The following HIRA variants were observed in gnomAD, a reference collection of about 807,000 sequenced individuals.
HIRA encodes histone cell cycle regulator, also known as protein HIRA.
HIRA carries 13 observed loss-of-function variants against 126.6 expected under a neutral mutation model. That is an observed-to-expected ratio of 0.10 (90% confidence interval 0.07 to 0.16). The LOEUF (loss-of-function observed/expected upper bound fraction) is 0.16. Ranked by LOEUF, HIRA falls within the 10% of genes least tolerant of loss-of-function variation. The pLI is 1.00. For synonymous variants in HIRA, 511 were observed against 520.0 expected (o/e 0.98, Z 0.24); for missense variants, 834 against 1,314.4 (o/e 0.63, Z 5.65).
At position 19,351,278 on chromosome 22, in the gene HIRA, G is replaced by T. The variant is rs1556010786; in HGVS notation, c.2937+80C>A. The T allele has an allele frequency of 1.3e-6, 2 of 1,544,096 alleles. No homozygotes were observed. Among genetic ancestry groups the T allele is most frequent in the Admixed American group, 4.2e-5 (2 of 47,446 alleles). On this transcript the variant is annotated intron_variant, in intron 24 of 24. Transcript: ENST00000263208. This position sits in a 1 kb window ranked among gnomAD's most constrained non-coding sequence, Gnocchi z 4.8. ...AAGTCTAACGGGACACAATTTCAAA[G>T]CACTTTGGCTTATTTAAAAAATCTC...
chr22:19,375,220 C>T (rs2089006599), intron 15 of HIRA, among the ~76,000 whole-genome samples: 1 of 152,176 alleles, frequency 6.6e-6, no homozygotes, highest in Non-Finnish European at 1.5e-5. Flanking sequence ...CAGCTCTCTA[C>T]CTCTGGTCAG....
intron 24 of HIRA, among the ~76,000 whole-genome samples, chr22:19,346,932 G>A (rs1219163599): frequency 6.6e-6 from 1 of 152,178 alleles, no homozygotes; most frequent in Non-Finnish European, 1.5e-5. Flanking sequence ...AGGAAGGAGG[G>A]GAGAAGAAGA....
intron 8 of HIRA, among the ~76,000 whole-genome samples, chr22:19,392,416 C>T (rs140265776): frequency 1.3e-5 from 2 of 152,308 alleles, no homozygotes; most frequent in South Asian, 2.1e-4. Context: ...AAAGTATGTG[C>T]GGAGGCACCA....
chr22:19,357,124 G>A, intron 18 of HIRA, 73 bp from the exon 19 acceptor site: 3 of 1,552,432 alleles, frequency 1.9e-6, no homozygotes, highest in South Asian at 2.3e-5. Context: ...CTGGAAGTGT[G>A]GGCCTTCCCT....
At chr22:19,431,397 C>T in intron 1 of HIRA, 43 bp downstream of exon 1, 1 of 1,601,400 alleles carries the variant, frequency 6.2e-7, no homozygotes, top group Middle Eastern at 1.7e-4. Flanking sequence ...AGACCCCGAC[C>T]CGACTCCGGG....
At chr22:19,360,029 TA>T (rs1388846246) in intron 17 of HIRA, among the ~76,000 whole-genome samples, 4 of 152,172 alleles carry the variant, frequency 2.6e-5, no homozygotes, top group African/African-American at 9.7e-5. Context: ...CAGGGGTGTT[TA>T]TGGCACAGCA....
chr22:19,426,476 TCAAGGTTCAGTC>T (rs538077320), intron 1 of HIRA, among the ~76,000 whole-genome samples: 2 of 152,330 alleles, frequency 1.3e-5, no homozygotes, highest in South Asian at 4.1e-4. Context: ...TCTAGTCACG[TCAAGGTTCAGTC>T]CAAGGACACA....
chr22:19,336,045 T>A (rs2088564404), intron 24 of HIRA, among the ~76,000 whole-genome samples: 1 of 152,214 alleles, frequency 6.6e-6, no homozygotes, highest in Non-Finnish European at 1.5e-5. Flanking sequence ...TTAGATTTAT[T>A]CTTAGATACT....
Position 19,377,921 on chromosome 22 carries a change from G to A in HIRA, c.1561C>T (p.Pro521Ser), listed in dbSNP as rs768876608. 5.0e-6 allele frequency: 8 copies of A among 1,613,680 alleles called. No individual in the cohort carries two copies. Among genetic ancestry groups the A allele is most frequent in the Non-Finnish European group, 5.1e-6 (6 of 1,179,874 alleles). ...GGTCTGGCACTGGCAGCCACCACAG[G>A]CTCTGTGCAAGGCTTCGAGGCGCCG... ...SFGASKPCTE[P>S]VVAASARPAG... The change falls in exon 14 of 25, where the codon CCT (proline) becomes TCT (serine). Residue 521 changes from proline (P) to serine (S), a missense_variant. Coordinates refer to ENST00000263208, the MANE Select transcript of HIRA (RefSeq NM_003325.4).
chr22:19,372,593 A>G (rs1478277006), intron 15 of HIRA, among the ~76,000 whole-genome samples: 5 of 127,290 alleles, frequency 3.9e-5, no homozygotes, highest in African/African-American at 1.2e-4. Flanking sequence ...TTTTTTTGAG[A>G]TGGAGTTTTG....
At chr22:19,422,334 T>A (rs2089455429) in intron 1 of HIRA, among the ~76,000 whole-genome samples, 1 of 151,912 alleles carries the variant, frequency 6.6e-6, no homozygotes, top group Admixed American at 6.6e-5. Context: ...GCCATCACCA[T>A]CCTGATCCAG....
Position 19,385,624 on chromosome 22 carries a change from T to C in HIRA, c.1226A>G (p.Gln409Arg), listed in dbSNP as rs2089119818. 2 of 1,614,104 alleles carry C rather than the reference T, an allele frequency of 1.2e-6. No individual in the cohort carries two copies. The highest frequency in any genetic ancestry group is 1.1e-5 in the South Asian group (1 of 91,094). ...ACTCTTCTGGTCCAGCTGCTGCTGC[T>C]GCTGCCTTCGCTGGTACTTGAGCAT... Reference protein sequence around the residue: ...PEMLKYQRRQQQQQLDQKSAA... With the variant: ...PEMLKYQRRQRQQQLDQKSAA... The change falls in exon 12 of 25, where the codon CAG (glutamine) becomes CGG (arginine). Residue 409 changes from glutamine (Q) to arginine (R), a missense_variant. Gln to Arg is a conservative substitution (Grantham distance 43). Coordinates refer to ENST00000263208, the MANE Select transcript of HIRA (RefSeq NM_003325.4).
At chr22:19,349,838 T>C (rs1267700404) in intron 24 of HIRA, among the ~76,000 whole-genome samples, 1 of 152,194 alleles carries the variant, frequency 6.6e-6, no homozygotes, top group Non-Finnish European at 1.5e-5. Flanking sequence ...TACCATCCCG[T>C]TGGGCTGTTC....
Position 19,331,428 on chromosome 22 carries a change from G to A in HIRA, c.*12C>T. On this transcript the variant is annotated 3_prime_UTR_variant, in exon 25 of 25. Transcript: ENST00000263208. Reference sequence around the variant, plus strand: ...CCCTGCCCTTGCTGCAGCCAGGGCAGGCTGGGGCAGGCTACTTGTCCCTCA... The same window carrying A: ...CCCTGCCCTTGCTGCAGCCAGGGCAAGCTGGGGCAGGCTACTTGTCCCTCA... 1 of 1,613,900 alleles carries A rather than the reference G, an allele frequency of 6.2e-7. No homozygotes were observed. Among genetic ancestry groups the A allele is most frequent in the South Asian group, 1.1e-5 (1 of 91,082 alleles).
chr22:19,377,770 G>T, intron 14 of HIRA, 99 bp downstream of exon 14: 1 of 1,059,854 alleles, frequency 9.4e-7, no homozygotes, highest in Non-Finnish European at 1.3e-6. Context: ...TGATTGAAGG[G>T]GCCACAAAGT....
intron 9 of HIRA, 94 bp downstream of exon 9, chr22:19,392,007 T>G: frequency 1.5e-6 from 1 of 660,398 alleles, no homozygotes; most frequent in South Asian, 2.0e-5. Flanking sequence ...AATACACTCT[T>G]AGCATCACCC....
At position 19,377,860 on chromosome 22, in the gene HIRA, C is replaced by A; in HGVS notation, c.1613+9G>T. The A allele has an allele frequency of 6.3e-7, 1 of 1,595,056 alleles. No homozygotes were observed. ...CCAGGGACAGGAACAAGCCTTGGCA[C>A]CCACTAACCTGTCTTTATTGACAGA... On this transcript the variant is annotated intron_variant, in intron 14 of 24. Transcript: ENST00000263208.
intron 24 of HIRA, among the ~76,000 whole-genome samples, chr22:19,338,591 T>C (rs2088592545): frequency 3.3e-5 from 5 of 152,242 alleles, no homozygotes; most frequent in Admixed American, 2.6e-4. Flanking sequence ...ACATATGGAC[T>C]CACATAAGTT....
At chr22:19,413,420 G>A (rs965954642) in intron 1 of HIRA, among the ~76,000 whole-genome samples, 1 of 151,798 alleles carries the variant, frequency 6.6e-6, no homozygotes, top group African/African-American at 2.4e-5. Flanking sequence ...TTTTGAGAAG[G>A]CGTGCCTGGT....
Sources: gnomAD v4.1 joint callset for allele counts (sites outside exome capture counted in the v4.1 genomes callset) on GRCh38, gnomAD v4.1.1 for gene constraint, Gnocchi (gnomAD v3.1) non-coding constraint, MANE v1.5 for transcripts, NCBI Gene and HGNC (gene_info 2026-07-23, HGNC 2026-07-21) for gene names.